Variants in TTC12 observed in about 807,000 individuals in gnomAD.
The protein encoded by TTC12 is tetratricopeptide repeat domain 12.
TTC12 carries 70 observed loss-of-function variants against 90.1 expected under a neutral mutation model. The observed-to-expected ratio is 0.78, with a 90% CI of 0.64 to 0.95. The LOEUF (loss-of-function observed/expected upper bound fraction) is 0.95. Among genes scored for constraint, TTC12 ranks in the 40% least tolerant of loss-of-function variants. The probability of loss-of-function intolerance (pLI) is 0.00; values close to 1 mark genes in which losing one functional copy is unlikely to be tolerated. For missense variants in TTC12, 819 were observed against 846.1 expected (o/e 0.97, Z 0.40); for synonymous variants, 296 against 311.5 (o/e 0.95, Z 0.53).
chr11:113,352,059 T>G lies in TTC12; in HGVS notation c.1309-11T>G, dbSNP rs1555150481. 7 of 1,612,628 alleles carry G rather than the reference T, an allele frequency of 4.3e-6. No homozygotes were observed. Among genetic ancestry groups the G allele is most frequent in the Non-Finnish European group, 5.9e-6 (7 of 1,179,466 alleles). Reference sequence around the variant, plus strand: ...TCTCTGAGGCTCTGCCTTCTCTCAATTCTCATTTAGAAGACAGATCCCAAG... The same window carrying G: ...TCTCTGAGGCTCTGCCTTCTCTCAAGTCTCATTTAGAAGACAGATCCCAAG... On this transcript the variant is annotated splice_polypyrimidine_tract_variant and intron_variant, in intron 15 of 21. Transcript: ENST00000529221.
chr11:113,363,783 A>G (rs766832673), intron 19 of TTC12, 45 bp from the exon 20 acceptor site: 2 of 1,382,724 alleles, frequency 1.4e-6, no homozygotes, highest in South Asian at 2.4e-5. Flanking sequence ...GTCAAGAGCA[A>G]TCATAGCACT....
chr11:113,324,330 A>G, intron 4 of TTC12: 2 of 537,070 alleles, frequency 3.7e-6, no homozygotes, highest in South Asian at 5.5e-5. Context: ...GGAACAAAAA[A>G]ATCTCTCTTC....
In TTC12 at chr11:113,363,829, CAGG is replaced by C. The variant is rs753895266; in HGVS notation, c.1722_1724del (p.Gly575del). 7.2e-5 allele frequency: 116 copies of C among 1,602,282 alleles called. 2 individuals carry two copies. The Middle Eastern group carries it at 5.5e-3, about 76-fold the overall frequency. On this transcript the variant is annotated inframe_deletion and splice_region_variant, in exon 20 of 22. Transcript: ENST00000529221. ...TTCTAATTTCATTCTGAAATCTAGA[CAGG>C]AGGTGAGACTGCATCACGTTATGCT...
In TTC12 at chr11:113,333,703, G is replaced by A. The variant is rs75269757; in HGVS notation, c.505-1263G>A. ...CAGTGCCTGGCACATGGTTTGGGCTGAACAATCATGCACATTTATTTTTAT... is the reference window on the plus strand; with the variant it reads ...CAGTGCCTGGCACATGGTTTGGGCTAAACAATCATGCACATTTATTTTTAT... On this transcript the variant is annotated intron_variant, in intron 7 of 21. Coordinates refer to ENST00000529221, the MANE Select transcript of TTC12 (RefSeq NM_017868.4). 9.9e-3 allele frequency among the ~76,000 whole-genome samples: 1,504 copies of A among 152,228 alleles called. 28 individuals carry two copies. The highest frequency in any genetic ancestry group is 0.035 in the African/African-American group (1,436 of 41,550).
Position 113,365,074 on chromosome 11 carries a change from A to C in TTC12, c.2042+14A>C. Reference sequence around the variant, plus strand: ...AGCTGAGCCCAGGTATGCTGTGGACACGGAGCCAGGCTGACCTATTGCAGA... The same window carrying C: ...AGCTGAGCCCAGGTATGCTGTGGACCCGGAGCCAGGCTGACCTATTGCAGA... On this transcript the variant is annotated intron_variant, in intron 21 of 21. Coordinates refer to ENST00000529221, the MANE Select transcript of TTC12 (RefSeq NM_017868.4). 29 of 1,610,758 alleles carry C rather than the reference A, an allele frequency of 1.8e-5. No homozygotes were observed. Among genetic ancestry groups the C allele is most frequent in the Non-Finnish European group, 2.5e-5 (29 of 1,177,514 alleles).
chr11:113,329,845 A>G (rs949542593), intron 6 of TTC12, 75 bp from the exon 7 acceptor site: 69 of 1,233,746 alleles, frequency 5.6e-5, no homozygotes, highest in Non-Finnish European at 7.8e-5. Flanking sequence ...TACTGTTCGA[A>G]TGTTCTTTCT....
At chr11:113,322,657 C>T (rs183008432) in intron 2 of TTC12, among the ~76,000 whole-genome samples, 101 of 152,248 alleles carry the variant, frequency 6.6e-4, no homozygotes, top group South Asian at 1.2e-3. Flanking sequence ...TTGGACCAGT[C>T]CCCCAGGCAT....
chr11:113,363,286 C>T (rs541038505), intron 19 of TTC12, among the ~76,000 whole-genome samples: 23 of 152,376 alleles, frequency 1.5e-4, no homozygotes, highest in African/African-American at 4.8e-4. Context: ...CCACCAAAAG[C>T]TCCTGATGGC....
chr11:113,325,549 A>G lies in TTC12; in HGVS notation c.348A>G (p.Ala116=). Residue 116 remains alanine (A), a synonymous_variant, in exon 6 of 22, where the codon GCA becomes GCG. Transcript: ENST00000529221. ...CCCTAAAAGAAAAAGGGAATGAAGC[A>G]TTTGCTGAAGGCAATTATGAAACAG... ...ADALKEKGNE[A]FAEGNYETAI... 1.9e-6 allele frequency: 3 copies of G among 1,613,990 alleles called. No homozygotes were observed. The highest frequency in any genetic ancestry group is 1.7e-6 in the Non-Finnish European group (2 of 1,179,852).
rs539122389 is a variant in TTC12, at chr11:113,338,937, C to T, written c.637+103C>T. 557 of 1,010,544 alleles carry T rather than the reference C, an allele frequency of 5.5e-4. 3 individuals are homozygous for T. The highest frequency in any genetic ancestry group is 2.2e-4 in the Middle Eastern group (1 of 4,450). The allele number at this position is 1,010,544 out of a possible 1,614,324, so 62.6% of individuals were successfully genotyped here. On this transcript the variant is annotated intron_variant, in intron 9 of 21. Transcript: ENST00000529221. ...TTCACTGCCCTTGGCCACTAGGCAG[C>T]GGCGGATCCTCTTTCCTGCACAGTT...
At chr11:113,354,591 A>G (rs1949515781) in intron 16 of TTC12, among the ~76,000 whole-genome samples, 1 of 152,110 alleles carries the variant, frequency 6.6e-6, no homozygotes, top group Non-Finnish European at 1.5e-5. Flanking sequence ...GATGTTGGCC[A>G]TGGGTCTGTC....
At chr11:113,368,147 T>C (rs1399213430), downstream of TTC12, 1 of 1,343,344 alleles carries the variant, frequency 7.4e-7, no homozygotes, top group Non-Finnish European at 9.8e-7. Context: ...CCCCAAAGAG[T>C]GGGGAATGTC....
intron 10 of TTC12, chr11:113,339,695 A>T: frequency 2.1e-6 from 1 of 483,124 alleles, no homozygotes; most frequent in Non-Finnish European, 3.7e-6. Context: ...CATGCAATAA[A>T]CATACACAAC....
At chr11:113,328,474 G>T (rs558367916) in intron 6 of TTC12, among the ~76,000 whole-genome samples, 6 of 152,226 alleles carry the variant, frequency 3.9e-5, no homozygotes, top group South Asian at 2.1e-4. Context: ...AATTCTAGGG[G>T]ATTCTAAAAG....
intron 5 of TTC12, 61 bp downstream of exon 5, chr11:113,324,743 A>AG: frequency 3.5e-6 from 5 of 1,439,808 alleles, no homozygotes; most frequent in Non-Finnish European, 4.9e-6. Context: ...GAGCACACGA[A>AG]GGCCTGTATG....
intron 13 of TTC12, 60 bp downstream of exon 13, chr11:113,344,500 G>A (rs1948843265): frequency 3.3e-6 from 5 of 1,526,614 alleles, no homozygotes; most frequent in Non-Finnish European, 4.5e-6. Flanking sequence ...GACAAGTTCA[G>A]GCATGCCTGT....
intron 18 of TTC12, among the ~76,000 whole-genome samples, chr11:113,361,796 C>T (rs1202333741): frequency 6.6e-6 from 1 of 151,764 alleles, no homozygotes; most frequent in Non-Finnish European, 1.5e-5. Context: ...AGGAAAGCTA[C>T]ACACATAAAT....
Position 113,324,593 on chromosome 11 carries a change from C to A in TTC12, c.245-12C>A, listed in dbSNP as rs201278325. ...TTTTTCTTTTTAATATCTGAAATTA[C>A]CCTGCTGTCAGAGGCCTTCTTGGCA... On this transcript the variant is annotated splice_polypyrimidine_tract_variant and intron_variant, in intron 4 of 21. Coordinates refer to ENST00000529221, the MANE Select transcript of TTC12 (RefSeq NM_017868.4). The A allele has an allele frequency of 2.5e-5, 40 of 1,609,624 alleles. No individual in the cohort carries two copies. The highest frequency in any genetic ancestry group is 3.4e-5 in the Non-Finnish European group (40 of 1,177,742).
intron 2 of TTC12, among the ~76,000 whole-genome samples, chr11:113,317,192 G>A (rs1351306823): frequency 1.3e-5 from 2 of 152,126 alleles, no homozygotes; most frequent in Middle Eastern, 3.2e-3. Context: ...ACATCTACAT[G>A]GACACTTAGC....
Sources: gnomAD v4.1 joint callset for allele counts (sites outside exome capture counted in the v4.1 genomes callset) on GRCh38, gnomAD v4.1.1 for gene constraint, MANE v1.5 for transcripts, NCBI Gene and HGNC (gene_info 2026-07-23, HGNC 2026-07-21) for gene names.